INPP5A: variants seen among roughly 807,000 people sequenced by gnomAD.
INPP5A encodes the protein inositol polyphosphate-5-phosphatase A, also known as 43 kDa inositol polyphosphate 5-phophatase.
INPP5A carries 14 observed loss-of-function variants against 65.2 expected under a neutral mutation model. The ratio of observed to expected loss-of-function variants is 0.21; its 90% CI spans 0.14 to 0.34. The LOEUF is 0.34. Among genes scored for constraint, INPP5A ranks in the 10% least tolerant of loss-of-function variants. INPP5A has a pLI of 1.00. For missense variants in INPP5A, 431 were observed against 545.6 expected (o/e 0.79, Z 2.09); for synonymous variants, 207 against 208.3 (o/e 0.99, Z 0.05).
intron 1 of INPP5A, among the ~76,000 whole-genome samples, chr10:132,572,619 A>C (rs2071359710): frequency 1.3e-5 from 2 of 151,714 alleles, no homozygotes; most frequent in South Asian, 4.2e-4. Flanking sequence ...AGCCCTTGGG[A>C]AGTGTTTTTG....
rs1282037781 is a variant in INPP5A, at chr10:132,603,255, G to A, written c.76-4660G>A. ...GGTATTCTCTATTAGGGGCTGTATA[G>A]CAAACACGCTAAAGATCATCTCAGT... On this transcript the variant is annotated intron_variant, in intron 1 of 15. Transcript: ENST00000368594. This position sits in a 1 kb window ranked among gnomAD's most constrained non-coding sequence, Gnocchi z 4.2. 4.6e-5 allele frequency among the ~76,000 whole-genome samples: 7 copies of A among 152,136 alleles called. No homozygotes were observed. In the East Asian group the frequency reaches 1.3e-3, roughly 29 times the overall value.
In INPP5A at chr10:132,707,960, G is replaced by A. The variant is rs902632276; in HGVS notation, c.475-353G>A. 3.9e-5 allele frequency among the ~76,000 whole-genome samples: 6 copies of A among 152,174 alleles called. No homozygotes were observed. Among genetic ancestry groups the A allele is most frequent in the South Asian group, 2.1e-4 (1 of 4,830 alleles). On this transcript the variant is annotated intron_variant, in intron 6 of 15. Coordinates refer to ENST00000368594, the MANE Select transcript of INPP5A (RefSeq NM_005539.5). The surrounding 1 kb of genome is among the most constrained non-coding windows in gnomAD (Gnocchi z 5.5). The stretch of plus-strand genomic sequence containing the variant: ...TCTTCCCTGTGGTCCAGCCGAGGGC[G>A]GCCGTGTGTCTCGAGCTCCCTGATC...
chr10:132,756,928 T>C (rs545220222), intron 11 of INPP5A, among the ~76,000 whole-genome samples: 1 of 152,328 alleles, frequency 6.6e-6, no homozygotes, highest in East Asian at 1.9e-4. Flanking sequence ...GTCGTTGTCT[T>C]CATTGTTATC....
At chr10:132,725,276 G>A (rs1430091543) in intron 8 of INPP5A, among the ~76,000 whole-genome samples, 5 of 152,202 alleles carry the variant, frequency 3.3e-5, no homozygotes, top group South Asian at 2.1e-4. Context: ...GGTTCCACCC[G>A]CACTCAGTCA....
intron 6 of INPP5A, among the ~76,000 whole-genome samples, chr10:132,702,905 G>A (rs767809671): frequency 1.3e-5 from 2 of 152,214 alleles, no homozygotes; most frequent in African/African-American, 4.8e-5. Flanking sequence ...ACACAGGGGT[G>A]ACTGTGGGCT....
Position 132,650,541 on chromosome 10 carries a change from C to G in INPP5A, c.306+36C>G. 1 of 1,490,888 alleles carries G rather than the reference C, an allele frequency of 6.7e-7. No homozygotes were observed. Among genetic ancestry groups the G allele is most frequent in the Non-Finnish European group, 9.3e-7 (1 of 1,070,224 alleles). The allele number at this position is 1,490,888 out of a possible 1,614,324, so 92.4% of individuals were successfully genotyped here. ...CCCGCTGCCTGGTGCAGGGGTCAGA[C>G]AGGCTGGCCTTGGCAGAAGCCAGCC... is the stretch of plus-strand genomic sequence containing the variant. On this transcript the variant is annotated intron_variant, in intron 4 of 15. Transcript: ENST00000368594. This position sits in a 1 kb window ranked among gnomAD's most constrained non-coding sequence, Gnocchi z 5.5.
At chr10:132,756,835 T>C (rs1295164438) in intron 11 of INPP5A, among the ~76,000 whole-genome samples, 2 of 152,314 alleles carry the variant, frequency 1.3e-5, no homozygotes, top group East Asian at 3.9e-4. Context: ...TGGTTGCCCC[T>C]GAGGGCCTTT....
At chr10:132,690,994 G>A (rs1285183057) in intron 5 of INPP5A, among the ~76,000 whole-genome samples, 1 of 152,198 alleles carries the variant, frequency 6.6e-6, no homozygotes, top group Non-Finnish European at 1.5e-5. Context: ...TTTGTGCGAT[G>A]ACTTCCCGTC....
chr10:132,544,222 G>A (rs566922847), intron 1 of INPP5A, among the ~76,000 whole-genome samples: 13 of 152,340 alleles, frequency 8.5e-5, no homozygotes, highest in South Asian at 8.3e-4. Context: ...AGCGAGAAGC[G>A]CACAACCAGG....
At chr10:132,720,576 G>A (rs1299812977) in intron 8 of INPP5A, among the ~76,000 whole-genome samples, 1 of 147,868 alleles carries the variant, frequency 6.8e-6, no homozygotes, top group Non-Finnish European at 1.5e-5. Context: ...GTGGTACCTC[G>A]GTTCTGTCTG....
At chr10:132,702,786 C>G (rs1226615278) in intron 6 of INPP5A, among the ~76,000 whole-genome samples, 1 of 152,240 alleles carries the variant, frequency 6.6e-6, no homozygotes, top group African/African-American at 2.4e-5. Context: ...GGCTCTGGCC[C>G]CATCCAGCAG....
chr10:132,738,370 G>A (rs1252551743), intron 9 of INPP5A, among the ~76,000 whole-genome samples: 1 of 152,200 alleles, frequency 6.6e-6, no homozygotes, highest in Middle Eastern at 3.2e-3. Flanking sequence ...GGGACCCTGG[G>A]ACGAGGGCTG....
intron 11 of INPP5A, among the ~76,000 whole-genome samples, chr10:132,758,621 C>T (rs1846675460): frequency 6.6e-6 from 1 of 152,156 alleles, no homozygotes; most frequent in Admixed American, 6.5e-5. Flanking sequence ...GATGTGGGTC[C>T]CCAGCTGACC....
intron 4 of INPP5A, among the ~76,000 whole-genome samples, chr10:132,669,410 A>G (rs760738884): frequency 2.0e-5 from 3 of 152,124 alleles, no homozygotes; most frequent in Non-Finnish European, 4.4e-5. Context: ...GCAGGCTCCT[A>G]TTCTTAACCT....
At chr10:132,748,536 A>G (rs1208715374) in intron 9 of INPP5A, among the ~76,000 whole-genome samples, 1 of 152,226 alleles carries the variant, frequency 6.6e-6, no homozygotes, top group Non-Finnish European at 1.5e-5. Context: ...CCACCCAGGT[A>G]GGGGTCTCCA....
chr10:132,697,860 A>G lies in INPP5A; in HGVS notation c.415A>G (p.Thr139Ala). The G allele has an allele frequency of 3.7e-6, 6 of 1,614,000 alleles. No individual in the cohort carries two copies. The African/African-American group carries it at 8.0e-5, about 22-fold the overall frequency. The change falls in exon 6 of 16, where the codon ACC (threonine) becomes GCC (alanine). Residue 139 changes from threonine to alanine, a missense_variant. Thr to Ala is a moderately conservative substitution (Grantham distance 58). Transcript: ENST00000368594. This position sits in a 1 kb window ranked among gnomAD's most constrained non-coding sequence, Gnocchi z 5.6. ...CGCTGGCAAAGAGATCTACTCGGAT[A>G]CCTTAGAGAGCACGCCCATGCTGGA... ...KVAGKEIYSD[T>A]LESTPMLEKE...
At chr10:132,666,654 A>G (rs2072809086) in intron 4 of INPP5A, among the ~76,000 whole-genome samples, 1 of 152,224 alleles carries the variant, frequency 6.6e-6, no homozygotes, top group East Asian at 1.9e-4. Flanking sequence ...GCCCACACCG[A>G]GCCGAAACAT....
At chr10:132,630,573 A>AGGAAGACGTCCATGAAG (rs2072252849) in intron 2 of INPP5A, among the ~76,000 whole-genome samples, 1 of 128,438 alleles carries the variant, frequency 7.8e-6, no homozygotes, top group Non-Finnish European at 1.7e-5. Context: ...CATCCATGAG[A>AGGAAGACGTCCATGAAG]GGAAGACGTC....
intron 4 of INPP5A, among the ~76,000 whole-genome samples, chr10:132,670,898 C>T (rs1022427204): frequency 4.9e-5 from 7 of 142,914 alleles, no homozygotes; most frequent in Admixed American, 7.3e-5. Flanking sequence ...GTGGTCAGGA[C>T]AGCGGTGCCA....
Sources: gnomAD v4.1 joint callset for allele counts (sites outside exome capture counted in the v4.1 genomes callset) on GRCh38, gnomAD v4.1.1 for gene constraint, Gnocchi (gnomAD v3.1) non-coding constraint, MANE v1.5 for transcripts, NCBI Gene and HGNC (gene_info 2026-07-23, HGNC 2026-07-21) for gene names.